The following FER1L6 variants were observed in gnomAD, a reference collection of about 807,000 sequenced individuals.
FER1L6 encodes fer-1 like family member 6.
In FER1L6, 177 loss-of-function variants were observed where a neutral mutation model predicts 219.2. The observed-to-expected ratio is 0.81, with a 90% CI of 0.71 to 0.91. The LOEUF (loss-of-function observed/expected upper bound fraction) is 0.91. Ranked by LOEUF, FER1L6 falls within the 40% of genes least tolerant of loss-of-function variation. The pLI is 0.00. For missense variants in FER1L6, 2,153 were observed against 2,259.9 expected (o/e 0.95, Z 0.96); for synonymous variants, 768 against 824.3 (o/e 0.93, Z 1.17).
In FER1L6 at chr8:123,970,108, C is replaced by A; in HGVS notation, c.447+11C>A. 6.2e-7 allele frequency: 1 copy of A among 1,612,536 alleles called. No homozygotes were observed. The highest frequency in any genetic ancestry group is 8.5e-7 in the Non-Finnish European group (1 of 1,178,638). On this transcript the variant is annotated intron_variant, in intron 6 of 40. Coordinates refer to ENST00000522917, the MANE Select transcript of FER1L6 (RefSeq NM_001039112.2). Reference sequence around the variant, plus strand: ...ATCATCAAAATCTCCGTAAGTATAGCATTGGTGGTAATAGTTGTGGAGAGG... The same window carrying A: ...ATCATCAAAATCTCCGTAAGTATAGAATTGGTGGTAATAGTTGTGGAGAGG...
intron 1 of FER1L6, among the ~76,000 whole-genome samples, chr8:123,878,283 C>A (rs1817045459): frequency 6.6e-6 from 1 of 152,110 alleles, no homozygotes; most frequent in African/African-American, 2.4e-5. Flanking sequence ...TTTTTGCTCC[C>A]AAATACACTT....
chr8:123,873,947 C>A (rs1384634381), intron 1 of FER1L6, among the ~76,000 whole-genome samples: 1 of 152,184 alleles, frequency 6.6e-6, no homozygotes, highest in Non-Finnish European at 1.5e-5. Flanking sequence ...CTTCTCACTA[C>A]CCCTCATGCC....
At chr8:124,025,919 C>T (rs2130656743) in intron 18 of FER1L6, among the ~76,000 whole-genome samples, 1 of 152,306 alleles carries the variant, frequency 6.6e-6, no homozygotes, top group South Asian at 2.1e-4. Context: ...GGCATCTTCT[C>T]ACATGAGTTA....
At chr8:123,971,033 T>C (rs1815784763) in intron 6 of FER1L6, among the ~76,000 whole-genome samples, 2 of 152,182 alleles carry the variant, frequency 1.3e-5, no homozygotes, top group South Asian at 4.1e-4. Context: ...TGTGTCAGTG[T>C]AGGAAGTCTG....
intron 20 of FER1L6, among the ~76,000 whole-genome samples, chr8:124,043,301 A>C (rs992398794): frequency 6.6e-6 from 1 of 152,194 alleles, no homozygotes; most frequent in Non-Finnish European, 1.5e-5. Context: ...TGGAGGGTTA[A>C]TATCCAACGT....
chr8:123,922,161 G>A (rs946160356), intron 1 of FER1L6, among the ~76,000 whole-genome samples: 2 of 152,166 alleles, frequency 1.3e-5, no homozygotes, highest in Non-Finnish European at 2.9e-5. Context: ...AAGCCAACAT[G>A]CACCCGGTGC....
chr8:123,992,716 T>G (rs78058063), intron 12 of FER1L6, among the ~76,000 whole-genome samples: 8,574 of 152,222 alleles, frequency 0.056, 559 homozygotes, highest in African/African-American at 0.16. Flanking sequence ...GTTTTGCTTT[T>G]ATCTTTGTTA....
At chr8:124,071,761 A>G in intron 31 of FER1L6, 130 bp downstream of exon 31, 3 of 1,189,716 alleles carry the variant, frequency 2.5e-6, no homozygotes, top group Non-Finnish European at 3.4e-6. Flanking sequence ...CCATAAGTCT[A>G]TAATCAAGTT....
intron 20 of FER1L6, among the ~76,000 whole-genome samples, chr8:124,045,498 T>C (rs1819685681): frequency 6.6e-6 from 1 of 152,238 alleles, no homozygotes; most frequent in Non-Finnish European, 1.5e-5. Context: ...GCTGAAAGTA[T>C]GTATGCAAAG....
intron 12 of FER1L6, among the ~76,000 whole-genome samples, chr8:123,997,728 T>C (rs1563732946): frequency 6.6e-6 from 1 of 152,168 alleles, no homozygotes; most frequent in Non-Finnish European, 1.5e-5. Context: ...TTGCTTCCTC[T>C]GTGTATTTTC....
intron 25 of FER1L6, 50 bp from the exon 26 acceptor site, chr8:124,064,297 C>T (rs1429966068): frequency 2.7e-6 from 4 of 1,486,874 alleles, no homozygotes; most frequent in Non-Finnish European, 2.8e-6. Flanking sequence ...CCTGAAACGA[C>T]CACCCTGTGA....
chr8:124,036,326 T>C (rs1360365702), intron 19 of FER1L6: 1 of 152,332 alleles, frequency 6.6e-6, no homozygotes, highest in South Asian at 2.1e-4. Context: ...ACATATCCAA[T>C]GGTTCAGCTC....
intron 12 of FER1L6, among the ~76,000 whole-genome samples, chr8:123,988,545 T>C (rs1816704278): frequency 6.6e-6 from 1 of 152,154 alleles, no homozygotes; most frequent in Admixed American, 6.5e-5. Flanking sequence ...TTCACTTCTT[T>C]GATTAAGTTT....
intron 39 of FER1L6, among the ~76,000 whole-genome samples, chr8:124,118,510 A>C (rs1823341499): frequency 6.6e-6 from 1 of 152,234 alleles, no homozygotes; most frequent in Non-Finnish European, 1.5e-5. Flanking sequence ...CCACCCAAGT[A>C]ATCAGTCCCC....
chr8:124,027,947 AT>A (rs1818783613), intron 18 of FER1L6, among the ~76,000 whole-genome samples: 1 of 152,216 alleles, frequency 6.6e-6, no homozygotes, highest in African/African-American at 2.4e-5. Flanking sequence ...ATTATCAAGA[AT>A]TTTCTTTAAC....
At chr8:123,881,456 A>G (rs1817108707) in intron 1 of FER1L6, among the ~76,000 whole-genome samples, 1 of 152,138 alleles carries the variant, frequency 6.6e-6, no homozygotes, top group Non-Finnish European at 1.5e-5. Flanking sequence ...GACTTATATG[A>G]TATTTAGTCC....
At chr8:123,947,256 A>AT (rs1407935276) in intron 1 of FER1L6, among the ~76,000 whole-genome samples, 1 of 151,686 alleles carries the variant, frequency 6.6e-6, no homozygotes, top group African/African-American at 2.4e-5. Context: ...AAAAAAAAAA[A>AT]GGTATGATGA....
In FER1L6 at chr8:124,071,623, A is replaced by G. The variant is rs1367606696; in HGVS notation, c.4084A>G (p.Ile1362Val). ...TGTCACAGTGCTGATCAGAGTATAC[A>G]TTGTCGCGGTGAGCCATTCTTGTTT... Reference protein sequence around the residue: ...HPVTVLIRVYIVAAFNLSPAD... With the variant: ...HPVTVLIRVYVVAAFNLSPAD... The change falls in exon 31 of 41, where the codon ATT (isoleucine) becomes GTT (valine). Residue 1362 changes from isoleucine (I) to valine (V), a missense_variant. Transcript: ENST00000522917. 6.2e-7 allele frequency: 1 copy of G among 1,612,962 alleles called. No individual in the cohort carries two copies. The highest frequency in any genetic ancestry group is 8.5e-7 in the Non-Finnish European group (1 of 1,179,178).
rs966144114 is a variant in FER1L6, at chr8:124,062,052, T to C, written c.3328+20T>C. 2 of 1,613,150 alleles carry C rather than the reference T, an allele frequency of 1.2e-6. No homozygotes were observed. Among genetic ancestry groups the C allele is most frequent in the African/African-American group, 2.7e-5 (2 of 74,920 alleles). On this transcript the variant is annotated intron_variant, in intron 25 of 40. Transcript: ENST00000522917. ...GGCACGGTGAGAAGCTGCTCTTAGA[T>C]TTTGTAGCTGTAACTATAAAGTCAT...
Sources: allele counts gnomAD v4.1 joint callset (sites outside exome capture counted in the v4.1 genomes callset), GRCh38; gene constraint gnomAD v4.1.1; transcripts MANE v1.5; gene names NCBI Gene and HGNC (gene_info 2026-07-23, HGNC 2026-07-21).